Variants in COL9A2 observed in about 807,000 individuals in gnomAD.
The protein encoded by COL9A2 is collagen alpha-2(IX) chain.
In COL9A2, 66 loss-of-function variants were observed where a neutral mutation model predicts 111.6. The ratio of observed to expected loss-of-function variants is 0.59; its 90% confidence interval spans 0.48 to 0.73. The LOEUF is 0.73. Among genes scored for constraint, COL9A2 ranks in the 30% least tolerant of loss-of-function variants. COL9A2 has a pLI of 0.00. For synonymous variants in COL9A2, 353 were observed against 364.1 expected, an observed-to-expected ratio of 0.97 and a Z score of 0.35; for missense variants, 881 against 954.1, an observed-to-expected ratio of 0.92 and a Z score of 1.01.
rs1234794269 is a variant in COL9A2 at position 40,312,118 on chromosome 1, G to T, written c.364-6C>A. 1 of 1,599,566 alleles carries T rather than the reference G, an allele frequency of 6.3e-7. No individual in the cohort carries two copies. The highest frequency in any genetic ancestry group is 2.3e-5 in the East Asian group (1 of 44,362). On this transcript the variant is annotated splice_polypyrimidine_tract_variant and splice_region_variant and intron_variant, in intron 7 of 31. Transcript: ENST00000372748. This position sits in a 1 kb window ranked among gnomAD's most constrained non-coding sequence, Gnocchi z 6.0. Reference sequence around the variant, plus strand: ...CCAACAGGTCCAGGAGGCCCCTGGGGAGCAGAGAGTTGATGGTCAGGATGC... The same window carrying T: ...CCAACAGGTCCAGGAGGCCCCTGGGTAGCAGAGAGTTGATGGTCAGGATGC...
Position 40,303,592 on chromosome 1 carries a change from C to T in COL9A2, c.1486G>A (p.Gly496Ser), listed in dbSNP as rs1222628123. 3.7e-6 allele frequency: 6 copies of T among 1,607,644 alleles called. No individual in the cohort carries two copies. The highest frequency in any genetic ancestry group is 3.3e-4 in the Middle Eastern group (2 of 6,042). ...CGGTTCCCGGCCAGTCCTCGAGGGC[C>T]GGGGGGACCAGGGTAGCCCTGAACC... is the stretch of plus-strand genomic sequence containing the variant. Reference protein sequence around the residue: ...PGVQGYPGPPGPRGLAGNRGV... With the variant: ...PGVQGYPGPPSPRGLAGNRGV... The change falls in exon 28 of 32, where the codon GGC becomes AGC. Residue 496 changes from glycine (G) to serine (S), a missense_variant. Physicochemically the swap from Gly to Ser is moderately conservative, Grantham distance 56. Transcript: ENST00000372748. The surrounding 1 kb of genome is among the most constrained non-coding windows in gnomAD (Gnocchi z 4.6).
At position 40,303,512 on chromosome 1, in the gene COL9A2, C is replaced by T. The variant is rs759708908; in HGVS notation, c.1548+18G>A. 1.8e-5 allele frequency: 29 copies of T among 1,612,690 alleles called. No individual in the cohort carries two copies. The highest frequency in any genetic ancestry group is 1.6e-4 in the Middle Eastern group (1 of 6,082). On this transcript the variant is annotated intron_variant, in intron 28 of 31. Coordinates refer to ENST00000372748, the MANE Select transcript of COL9A2 (RefSeq NM_001852.4). This position sits in a 1 kb window ranked among gnomAD's most constrained non-coding sequence, Gnocchi z 4.6. ...ATCTACCTAGAAGAAGCACCTCCTA[C>T]CCCGGGGCCCGACTCACCTCCACGC...
At position 40,307,055 on chromosome 1, in the gene COL9A2, G is replaced by A. The variant is rs564249647; in HGVS notation, c.1008+391C>T. Among the ~76,000 whole-genome samples the A allele has an allele frequency of 6.6e-6, 1 of 152,228 alleles. No individual in the cohort carries two copies. The highest frequency in any genetic ancestry group is 2.1e-4 in the South Asian group (1 of 4,828). ...AGACGGGGTGTCACCACATTGGCCAGGCTGGTTTTGAACTCCTGACCTCAA... is the reference window on the plus strand; with the variant it reads ...AGACGGGGTGTCACCACATTGGCCAAGCTGGTTTTGAACTCCTGACCTCAA... On this transcript the variant is annotated intron_variant, in intron 19 of 31. Transcript: ENST00000372748. This position sits in a 1 kb window ranked among gnomAD's most constrained non-coding sequence, Gnocchi z 4.8.
At chr1:40,305,131 G>A (rs1191341565) in intron 21 of COL9A2, 3 of 295,762 alleles carry the variant, frequency 1.0e-5, no homozygotes, top group African/African-American at 2.4e-5. Context: ...GCAGTGGCGC[G>A]ATCTCCGCTC....
In COL9A2 at chr1:40,303,259, G is replaced by A. The variant is rs958842601; in HGVS notation, c.1549-74C>T. The A allele has an allele frequency of 4.8e-6, 7 of 1,452,986 alleles. No individual in the cohort carries two copies. In the African/African-American group the frequency reaches 5.6e-5, roughly 12 times the overall value. The allele number at this position is 1,452,986 out of a possible 1,614,324, so 90.0% of individuals were successfully genotyped here. On this transcript the variant is annotated intron_variant, in intron 28 of 31. Coordinates refer to ENST00000372748, the MANE Select transcript of COL9A2 (RefSeq NM_001852.4). This position sits in a 1 kb window ranked among gnomAD's most constrained non-coding sequence, Gnocchi z 4.6. ...CCGCTCCTATCCCACCTGGCTGAGC[G>A]TGAGGCCGCCATGGAGGAGACTCTG...
intron 17 of COL9A2, 83 bp downstream of exon 17, chr1:40,308,109 T>A: frequency 7.2e-7 from 1 of 1,379,518 alleles, no homozygotes; most frequent in Non-Finnish European, 1.0e-6. Flanking sequence ...CAGACTAGCA[T>A]CCCAGGCTTC....
Position 40,314,473 on chromosome 1 carries a change from A to G in COL9A2, c.151-86T>C. Reference sequence around the variant, plus strand: ...CACAGGCCCTGGCAGGCCGCTCCCAAAGGCTCTCCTCACTCTCCTCTCTTC... The same window carrying G: ...CACAGGCCCTGGCAGGCCGCTCCCAGAGGCTCTCCTCACTCTCCTCTCTTC... On this transcript the variant is annotated intron_variant, in intron 2 of 31. Coordinates refer to ENST00000372748, the MANE Select transcript of COL9A2 (RefSeq NM_001852.4). This position sits in a 1 kb window ranked among gnomAD's most constrained non-coding sequence, Gnocchi z 4.1. The G allele has an allele frequency of 1.3e-6, 2 of 1,507,326 alleles. No homozygotes were observed. Among genetic ancestry groups the G allele is most frequent in the Non-Finnish European group, 1.8e-6 (2 of 1,083,426 alleles). The allele number at this position is 1,507,326 out of a possible 1,614,324, so 93.4% of individuals were successfully genotyped here.
intron 16 of COL9A2, among the ~76,000 whole-genome samples, chr1:40,309,470 G>A (rs975048021): frequency 1.3e-5 from 2 of 150,384 alleles, no homozygotes; most frequent in South Asian, 2.1e-4. Context: ...AACTGGGATC[G>A]AGACCAAATC....
chr1:40,315,808 A>T, intron 1 of COL9A2, 144 bp from the exon 2 acceptor site: 1 of 595,052 alleles, frequency 1.7e-6, no homozygotes, highest in Non-Finnish European at 3.0e-6. Context: ...TCTGTATAGC[A>T]GGCACTGTGT....
In COL9A2 at chr1:40,301,221, A is replaced by G; in HGVS notation, c.2031T>C (p.Ser677=). 1 of 1,614,088 alleles carries G rather than the reference A, an allele frequency of 6.2e-7. No homozygotes were observed. Among genetic ancestry groups the G allele is most frequent in the Non-Finnish European group, 8.5e-7 (1 of 1,180,028 alleles). The change falls in exon 32 of 32, where the codon TCT becomes TCC. Residue 677 remains serine (S), a synonymous_variant. Coordinates refer to ENST00000372748, the MANE Select transcript of COL9A2 (RefSeq NM_001852.4). ...AACLGASAYA[S]ARLTEPGSIK... ...TGGATCCAGGCTCTGTAAGGCGGGC[A>G]GAGGCATAGGCCGAAGCTCCAAGGC...
At position 40,302,816 on chromosome 1, in the gene COL9A2, G is replaced by A; in HGVS notation, c.1604-7C>T. The A allele has an allele frequency of 6.7e-7, 1 of 1,501,814 alleles. No individual in the cohort carries two copies. The highest frequency in any genetic ancestry group is 8.9e-7 in the Non-Finnish European group (1 of 1,128,696). 93.0% of individuals were successfully genotyped at this position (1,501,814 alleles called of 1,614,324 possible). On this transcript the variant is annotated splice_polypyrimidine_tract_variant and splice_region_variant and intron_variant, in intron 29 of 31. Coordinates refer to ENST00000372748, the MANE Select transcript of COL9A2 (RefSeq NM_001852.4). This position sits in a 1 kb window ranked among gnomAD's most constrained non-coding sequence, Gnocchi z 4.5. The stretch of plus-strand genomic sequence containing the variant: ...GCGACCTCTGCCAGTTGCTCTGGAG[G>A]GAGGGAGGGAGGGAGGGAGAGGGAA...
At position 40,311,569 on chromosome 1, in the gene COL9A2, G is replaced by A; in HGVS notation, c.472-22C>T. 6.2e-7 allele frequency: 1 copy of A among 1,613,976 alleles called. No homozygotes were observed. Among genetic ancestry groups the A allele is most frequent in the Non-Finnish European group, 8.5e-7 (1 of 1,179,980 alleles). On this transcript the variant is annotated intron_variant, in intron 9 of 31. Coordinates refer to ENST00000372748, the MANE Select transcript of COL9A2 (RefSeq NM_001852.4). This position sits in a 1 kb window ranked among gnomAD's most constrained non-coding sequence, Gnocchi z 5.1. ...GACCCTGAGAGGAGACATGAAGATGGAGCTTGGCCTGACCCTTTCCCGCCG... is the reference window on the plus strand; with the variant it reads ...GACCCTGAGAGGAGACATGAAGATGAAGCTTGGCCTGACCCTTTCCCGCCG...
At chr1:40,315,697 A>G in intron 1 of COL9A2, 33 bp from the exon 2 acceptor site, 3 of 1,512,274 alleles carry the variant, frequency 2.0e-6, no homozygotes, top group Non-Finnish European at 2.7e-6. Context: ...GGCAGTCCTC[A>G]GACAGTGCAG....
rs747751318 is a variant in COL9A2 at position 40,314,173 on chromosome 1, T to C, written c.249+32A>G. On this transcript the variant is annotated intron_variant, in intron 4 of 31. Coordinates refer to ENST00000372748, the MANE Select transcript of COL9A2 (RefSeq NM_001852.4). The surrounding 1 kb of genome is among the most constrained non-coding windows in gnomAD (Gnocchi z 4.1). ...CCCTGGAGGTCAATTGGCAGAGCCC[T>C]ACCCTGCCCCACCCGACACTCAGCT... 8 of 1,609,816 alleles carry C rather than the reference T, an allele frequency of 5.0e-6. No individual in the cohort carries two copies. The East Asian group carries it at 8.9e-5, about 18-fold the overall frequency.
In COL9A2 at chr1:40,301,306, G is replaced by A; in HGVS notation, c.1946C>T (p.Ala649Val). ...GGGGCCTGGCAGGCCAGGTCGACCT[G>A]CCTCTCCTGGAGCCCCTGGGGACCC... ...DRGSPGAPGE[A>V]GRPGLPGPVG... Residue 649 changes from alanine (A) to valine (V), a missense_variant, in exon 32 of 32, where the codon GCA (alanine) becomes GTA (valine). Physicochemically the swap from Ala to Val is moderately conservative, Grantham distance 64. Transcript: ENST00000372748. 1 of 1,612,694 alleles carries A rather than the reference G, an allele frequency of 6.2e-7. No individual in the cohort carries two copies. Among genetic ancestry groups the A allele is most frequent in the Non-Finnish European group, 8.5e-7 (1 of 1,179,080 alleles).
Position 40,310,308 on chromosome 1 carries a change from C to T in COL9A2, c.694G>A (p.Gly232Ser), listed in dbSNP as rs139013993. The T allele has an allele frequency of 1.5e-5, 24 of 1,614,040 alleles. No individual in the cohort carries two copies. The African/African-American group carries it at 2.5e-4, about 17-fold the overall frequency. ...QGIPGPPGPQ[G>S]IRGYPGMAGP... ...GCCATGCCTGGGTAGCCCCTGATGCCCTGGGGACCCTGTTGAGAAAGAAAA... is the reference window on the plus strand; with the variant it reads ...GCCATGCCTGGGTAGCCCCTGATGCTCTGGGGACCCTGTTGAGAAAGAAAA... The change falls in exon 14 of 32, where the codon GGC becomes AGC. Residue 232 changes from glycine (G) to serine (S), a missense_variant. By Grantham distance (56) the Gly-to-Ser change is moderately conservative. Transcript: ENST00000372748. This position sits in a 1 kb window ranked among gnomAD's most constrained non-coding sequence, Gnocchi z 4.9.
chr1:40,301,740 A>T, intron 31 of COL9A2, 72 bp downstream of exon 31: 1 of 1,421,018 alleles, frequency 7.0e-7, no homozygotes, highest in South Asian at 1.2e-5. Context: ...CATGGAGGAG[A>T]CCGCAGTGTC....
At chr1:40,309,415 C>T (rs1202140333) in intron 16 of COL9A2, among the ~76,000 whole-genome samples, 1 of 150,008 alleles carries the variant, frequency 6.7e-6, no homozygotes, top group Non-Finnish European at 1.5e-5. Flanking sequence ...CCGCTTCCCC[C>T]AACAGGTCTA....
Position 40,304,815 on chromosome 1 carries a change from G to C in COL9A2, c.1140C>G (p.Pro380=), listed in dbSNP as rs899280666. 3.9e-6 allele frequency: 6 copies of C among 1,550,946 alleles called. No homozygotes were observed. The highest frequency in any genetic ancestry group is 5.2e-6 in the Non-Finnish European group (6 of 1,146,946). ...TTACCTTCTGTCCCATGATGCCCTG[G>C]GGACCAATTTCTCCTCGAGGCCCTG... ...GEPGPRGEIG[P]QGIMGQKGDQ... is the part of the protein sequence containing the mutation. Residue 380 remains proline, a synonymous_variant, in exon 22 of 32, where the codon CCC becomes CCG. Transcript: ENST00000372748.
Sources: gnomAD v4.1 joint callset for allele counts (sites outside exome capture counted in the v4.1 genomes callset) on GRCh38, gnomAD v4.1.1 for gene constraint, Gnocchi (gnomAD v3.1) non-coding constraint, MANE v1.5 for transcripts, NCBI Gene and HGNC (gene_info 2026-07-23, HGNC 2026-07-21) for gene names.